The following DNAH5 variants were observed in gnomAD, a reference collection of about 807,000 sequenced individuals.
DNAH5 encodes the protein axonemal beta dynein heavy chain 5.
A neutral mutation model predicts 518.2 loss-of-function variants in DNAH5; 372 were observed. The observed-to-expected ratio is 0.72, with a 90% confidence interval of 0.66 to 0.78. The LOEUF is 0.78. Ranked by LOEUF, DNAH5 falls within the 30% of genes least tolerant of loss-of-function variation. The pLI is 0.00. For synonymous variants in DNAH5, 2,039 were observed against 2,025.9 expected (o/e 1.01, Z -0.17); for missense variants, 5,523 against 5,687.0 (o/e 0.97, Z 0.93).
chr5:13,972,323 C>T (rs921711297), intron 1 of DNAH5, among the ~76,000 whole-genome samples: 2 of 152,208 alleles, frequency 1.3e-5, no homozygotes, highest in Non-Finnish European at 2.9e-5. Flanking sequence ...TAGCTACACT[C>T]CCTGTTCACC....
chr5:13,771,699 G>A (rs1337019814), intron 55 of DNAH5, among the ~76,000 whole-genome samples: 1 of 152,252 alleles, frequency 6.6e-6, no homozygotes, highest in Admixed American at 6.5e-5. Context: ...GAATGAAAGA[G>A]GAACGTGAAA....
At chr5:13,839,819 CCT>C (rs1395515891) in intron 34 of DNAH5, among the ~76,000 whole-genome samples, 14 of 152,110 alleles carry the variant, frequency 9.2e-5, no homozygotes, top group Admixed American at 7.9e-4. Flanking sequence ...TAAATTTCAC[CCT>C]GACATGCCTA....
At chr5:13,726,461 T>G (rs928223962) in intron 70 of DNAH5, among the ~76,000 whole-genome samples, 1 of 151,968 alleles carries the variant, frequency 6.6e-6, no homozygotes, top group African/African-American at 2.4e-5. Context: ...CAAAAAAGAG[T>G]TACTTAAATT....
At chr5:13,946,596 T>C (rs1779944502), upstream of DNAH5, among the ~76,000 whole-genome samples, 1 of 152,156 alleles carries the variant, frequency 6.6e-6, no homozygotes, top group Non-Finnish European at 1.5e-5. Context: ...TACAAATAGT[T>C]TCCACCAGGC....
In DNAH5 at chr5:13,840,561, C is replaced by T. The variant is rs546371199; in HGVS notation, c.5709+345G>A. ...ACTAAGCAATATTACTAATAATTTT[C>T]ATAGCAAGAAACTGGTGATCTTCAA... On this transcript the variant is annotated intron_variant, in intron 34 of 78. Coordinates refer to ENST00000265104, the MANE Select transcript of DNAH5 (RefSeq NM_001369.3). Among the ~76,000 whole-genome samples, 15 of 152,264 alleles carry T rather than the reference C, an allele frequency of 9.9e-5. 1 individual carries two copies. The East Asian group carries it at 2.9e-3, about 29-fold the overall frequency.
In DNAH5 at chr5:13,867,616, G is replaced by GAA. The variant is rs3058927; in HGVS notation, c.4053+156_4053+157dup. On this transcript the variant is annotated intron_variant, in intron 25 of 78. Coordinates refer to ENST00000265104, the MANE Select transcript of DNAH5 (RefSeq NM_001369.3). ...AGAAACTCTAAGGGGAAAGAATTGT[G>GAA]AAAAAAAATGTTTTTCTCTCATGAA... Among the ~76,000 whole-genome samples the GAA allele has an allele frequency of 0.28, 43,093 of 151,512 alleles. 6,289 individuals carry two copies. The highest frequency in any genetic ancestry group is 0.41 in the South Asian group (1,970 of 4,778).
Position 13,901,299 on chromosome 5 carries a change from C to A in DNAH5, c.2005G>T (p.Val669Phe). The A allele has an allele frequency of 6.2e-7, 1 of 1,614,142 alleles. No homozygotes were observed. Among genetic ancestry groups the A allele is most frequent in the Non-Finnish European group, 8.5e-7 (1 of 1,180,014 alleles). Residue 669 changes from valine (V) to phenylalanine (F), a missense_variant, in exon 14 of 79, where the codon GTC becomes TTC. Coordinates refer to ENST00000265104, the MANE Select transcript of DNAH5 (RefSeq NM_001369.3). ...AAGAGGACCTCAAACTCCAGGAGGA[C>A]CTTGGCCATCCTGTTGTAACTGCGA... Reference protein sequence around the residue: ...IIRSYNRMAKVLLEFEVLFHR... With the variant: ...IIRSYNRMAKFLLEFEVLFHR...
chr5:13,757,437 G>A lies in DNAH5; in HGVS notation c.10419+1409C>T, dbSNP rs148311968. Among the ~76,000 whole-genome samples the A allele has an allele frequency of 1.9e-3, 292 of 152,270 alleles. 3 individuals are homozygous for A. Among genetic ancestry groups the A allele is most frequent in the African/African-American group, 6.8e-3 (282 of 41,558 alleles). ...TGGTAACTGATTGTGGTTTTGATGT[G>A]CATTTCTCTAGTGATCAGTGATACT... On this transcript the variant is annotated intron_variant, in intron 61 of 78. Coordinates refer to ENST00000265104, the MANE Select transcript of DNAH5 (RefSeq NM_001369.3).
At chr5:13,774,237 T>C (rs1012976697) in intron 55 of DNAH5, among the ~76,000 whole-genome samples, 4 of 151,954 alleles carry the variant, frequency 2.6e-5, no homozygotes, top group Non-Finnish European at 5.9e-5. Flanking sequence ...AGGATGTCAG[T>C]GAAAGGGAGA....
Position 13,859,530 on chromosome 5 carries a change from G to A in DNAH5, c.4872C>T (p.Ser1624=). 6.2e-7 allele frequency: 1 copy of A among 1,614,068 alleles called. No individual in the cohort carries two copies. The highest frequency in any genetic ancestry group is 8.5e-7 in the Non-Finnish European group (1 of 1,179,966). The change falls in exon 30 of 79, where the codon AGC becomes AGT. Residue 1624 remains serine (S), a synonymous_variant. Coordinates refer to ENST00000265104, the MANE Select transcript of DNAH5 (RefSeq NM_001369.3). The part of the protein sequence containing the change: ...YLSNSTDIIE[S]WMTVQNLWIY... ...TCCACAGGTTTTGCACCGTCATCCA[G>A]CTCTCGATGATGTCTGTTGAGTTGG...
At position 13,789,237 on chromosome 5, in the gene DNAH5, A is replaced by T. The variant is rs1481620845; in HGVS notation, c.8449-323T>A. On this transcript the variant is annotated intron_variant, in intron 50 of 78. Coordinates refer to ENST00000265104, the MANE Select transcript of DNAH5 (RefSeq NM_001369.3). The stretch of plus-strand genomic sequence containing the variant: ...AATAAATTAGTCTTTTTAATAAGAC[A>T]TCTATATTCATGTGGCCAGAGTATA... 2.6e-5 allele frequency among the ~76,000 whole-genome samples: 4 copies of T among 152,238 alleles called. No individual in the cohort carries two copies. The East Asian group carries it at 7.7e-4, about 29-fold the overall frequency.
chr5:13,979,734 C>A (rs1358514845), intron 1 of DNAH5, among the ~76,000 whole-genome samples: 2 of 152,130 alleles, frequency 1.3e-5, no homozygotes, highest in Non-Finnish European at 2.9e-5. Context: ...CTTCATCTTA[C>A]TGATCAACTG....
chr5:13,906,916 GAAGA>G (rs70964516), intron 12 of DNAH5, among the ~76,000 whole-genome samples: 53,083 of 151,638 alleles, frequency 0.35, 10,277 homozygotes, highest in East Asian at 0.75. Context: ...GCTGTCAGTT[GAAGA>G]AAGGTAAAAA....
chr5:13,839,215 G>C (rs1031079621), intron 35 of DNAH5, 141 bp downstream of exon 35: 4 of 725,174 alleles, frequency 5.5e-6, no homozygotes, highest in Admixed American at 2.7e-5. Flanking sequence ...TGAAAAGAAA[G>C]CTGATAATAA....
chr5:13,982,179 C>T (rs1561040409), intron 1 of DNAH5, among the ~76,000 whole-genome samples: 1 of 152,368 alleles, frequency 6.6e-6, no homozygotes, highest in South Asian at 2.1e-4. Flanking sequence ...TTTCTCTTAT[C>T]GTATGACAAT....
intron 1 of DNAH5, among the ~76,000 whole-genome samples, chr5:13,973,036 T>C (rs1781988345): frequency 2.6e-5 from 4 of 152,306 alleles, no homozygotes; most frequent in Middle Eastern, 6.8e-3. Flanking sequence ...TTAGCAGATG[T>C]GAATAGATTA....
intron 67 of DNAH5, 25 bp from the exon 68 acceptor site, chr5:13,735,346 G>A: frequency 6.2e-7 from 1 of 1,607,740 alleles, no homozygotes; most frequent in Middle Eastern, 1.7e-4. Context: ...ATTTAAATCA[G>A]GCTTATCCCA....
At chr5:13,800,802 T>C (rs1349416772) in intron 47 of DNAH5, among the ~76,000 whole-genome samples, 2 of 152,218 alleles carry the variant, frequency 1.3e-5, no homozygotes, top group African/African-American at 4.8e-5. Context: ...TGATTGGTGT[T>C]CCCACCTCAT....
Position 13,913,876 on chromosome 5 carries a change from T to C in DNAH5, c.1403A>G (p.Tyr468Cys). The C allele has an allele frequency of 6.2e-6, 10 of 1,613,712 alleles. No homozygotes were observed. The highest frequency in any genetic ancestry group is 7.6e-6 in the Non-Finnish European group (9 of 1,179,664). Residue 468 changes from tyrosine to cysteine, a missense_variant, in exon 11 of 79, where the codon TAT (tyrosine) becomes TGT (cysteine). Coordinates refer to ENST00000265104, the MANE Select transcript of DNAH5 (RefSeq NM_001369.3). ...AAAAGTTTCGAATTTTCCAAAAATA[T>C]ACATCTCGCTAAAATCAAATTGTTT... ...NAKQFDFSEM[Y>C]IFGKFETFHR...
Sources: gnomAD v4.1 joint callset for allele counts (sites outside exome capture counted in the v4.1 genomes callset) on GRCh38, gnomAD v4.1.1 for gene constraint, MANE v1.5 for transcripts, NCBI Gene and HGNC (gene_info 2026-07-23, HGNC 2026-07-21) for gene names.